MTARC2: variants seen among roughly 807,000 people sequenced by gnomAD.
MTARC2 encodes the protein MOCO sulphurase C-terminal domain containing 2.
A neutral mutation model predicts 35.6 loss-of-function variants in MTARC2; 27 were observed. The observed-to-expected ratio is 0.76, with a 90% CI of 0.56 to 1.04. The LOEUF (loss-of-function observed/expected upper bound fraction) is 1.04, where lower values mean the gene tolerates loss of function less well. Ranked by LOEUF, MTARC2 falls within the 50% of genes least tolerant of loss-of-function variation. The pLI is 0.00. For synonymous variants in MTARC2, 158 were observed against 167.1 expected (o/e 0.95, Z 0.42); for missense variants, 412 against 432.5 (o/e 0.95, Z 0.42).
Position 220,784,418 on chromosome 1 carries a change from C to T in MTARC2, c.*531C>T, listed in dbSNP as rs1672160174. On this transcript the variant is annotated 3_prime_UTR_variant, in exon 8 of 8. Transcript: ENST00000366913. ...GCCATTGAGTCCTGTTGACTTTCCA[C>T]TCATGTGCTTTTTACTCTAGCATTA... 1 of 161,012 alleles carries T rather than the reference C, an allele frequency of 6.2e-6. No homozygotes were observed. Among genetic ancestry groups the T allele is most frequent in the Non-Finnish European group, 1.4e-5 (1 of 73,840 alleles). The allele number at this position is 161,012 out of a possible 1,614,324, so 10.0% of individuals were successfully genotyped here.
chr1:220,761,570 C>A, intron 2 of MTARC2, 88 bp from the exon 3 acceptor site: 2 of 1,341,024 alleles, frequency 1.5e-6, no homozygotes, highest in South Asian at 1.5e-5. Flanking sequence ...ATGGTCAGGT[C>A]CCAACAGTCC....
At chr1:220,753,607 T>C (rs1671193162) in intron 1 of MTARC2, among the ~76,000 whole-genome samples, 1 of 152,174 alleles carries the variant, frequency 6.6e-6, no homozygotes, top group African/African-American at 2.4e-5. Flanking sequence ...TTGGAATGTC[T>C]CCCTGGGAGG....
Position 220,749,434 on chromosome 1 carries a change from T to C in MTARC2, c.272+631T>C, listed in dbSNP as rs1417759818. On this transcript the variant is annotated intron_variant, in intron 1 of 7. Coordinates refer to ENST00000366913, the MANE Select transcript of MTARC2 (RefSeq NM_017898.5). ...GGATTAAGATGCCTTCTTCTTTTTT[T>C]TTTTTTTTTTTTTTGAGACAGAATC... 1.5e-3 allele frequency among the ~76,000 whole-genome samples: 226 copies of C among 149,254 alleles called. 1 individual carries two copies. The highest frequency in any genetic ancestry group is 3.8e-3 in the African/African-American group (153 of 40,678).
rs540033454 is a variant in MTARC2 at position 220,748,907 on chromosome 1, C to T, written c.272+104C>T. The T allele has an allele frequency of 1.8e-4, 242 of 1,333,408 alleles. 1 individual carries two copies. In the African/African-American group the frequency reaches 3.5e-3, roughly 19 times the overall value. 82.6% of individuals were successfully genotyped at this position (1,333,408 alleles called of 1,614,324 possible). ...TCTGGGAAGGACTATAGAGGTTTGCCACCTGAGTTTCTGGGCTGACTGTTG... is the reference window on the plus strand; with the variant it reads ...TCTGGGAAGGACTATAGAGGTTTGCTACCTGAGTTTCTGGGCTGACTGTTG... On this transcript the variant is annotated intron_variant, in intron 1 of 7. Coordinates refer to ENST00000366913, the MANE Select transcript of MTARC2 (RefSeq NM_017898.5).
intron 4 of MTARC2, among the ~76,000 whole-genome samples, chr1:220,774,224 A>G (rs554237519): frequency 7.2e-5 from 11 of 152,000 alleles, no homozygotes; most frequent in Admixed American, 3.3e-4. Context: ...ACACCACCAC[A>G]CCTGGCTAAT....
intron 3 of MTARC2, 144 bp from the exon 4 acceptor site, chr1:220,762,766 C>G: frequency 1.1e-6 from 1 of 883,148 alleles, no homozygotes; most frequent in Non-Finnish European, 1.7e-6. Context: ...ACTGCAAGCC[C>G]AAACTCACAT....
At position 220,761,759 on chromosome 1, in the gene MTARC2, A is replaced by G. The variant is rs1355543050; in HGVS notation, c.548A>G (p.Glu183Gly). 1 of 1,613,918 alleles carries G rather than the reference A, an allele frequency of 6.2e-7. No homozygotes were observed. The highest frequency in any genetic ancestry group is 1.3e-5 in the African/African-American group (1 of 75,058). ...GAAGCGTATAGATTGGTTCAATTTG[A>G]GACAAACATGAAGGGAAGAACATCA... ...KTEAYRLVQF[E>G]TNMKGRTSRK... Residue 183 changes from glutamate (E) to glycine (G), a missense_variant, in exon 3 of 8, where the codon GAG becomes GGG. Glu to Gly is a moderately conservative substitution (Grantham distance 98). Coordinates refer to ENST00000366913, the MANE Select transcript of MTARC2 (RefSeq NM_017898.5).
intron 1 of MTARC2, among the ~76,000 whole-genome samples, chr1:220,749,471 C>T (rs1482407041): frequency 7.0e-6 from 1 of 143,158 alleles, no homozygotes; most frequent in Non-Finnish European, 1.5e-5. Context: ...CACTTCGTAG[C>T]TCAGGCTGGA....
At position 220,761,748 on chromosome 1, in the gene MTARC2, G is replaced by A; in HGVS notation, c.537G>A (p.Leu179=). The A allele has an allele frequency of 6.2e-7, 1 of 1,613,876 alleles. No homozygotes were observed. ...TCTTGAAAACTGAAGCGTATAGATTGGTTCAATTTGAGACAAACATGAAGG... is the reference window on the plus strand; with the variant it reads ...TCTTGAAAACTGAAGCGTATAGATTAGTTCAATTTGAGACAAACATGAAGG... The part of the protein sequence containing the change: ...TNFLKTEAYR[L]VQFETNMKGR... The change falls in exon 3 of 8, where the codon TTG becomes TTA. Residue 179 remains leucine, a synonymous_variant. Transcript: ENST00000366913.
chr1:220,775,700 T>C (rs534705776), intron 4 of MTARC2, among the ~76,000 whole-genome samples: 3,619 of 152,284 alleles, frequency 0.024, 109 homozygotes, highest in African/African-American at 0.064. Flanking sequence ...TCAAGTAGGC[T>C]CCCGTGTCTG....
Position 220,762,917 on chromosome 1 carries a change from A to G in MTARC2, c.617A>G (p.Tyr206Cys), listed in dbSNP as rs765769266. The G allele has an allele frequency of 1.9e-6, 3 of 1,614,154 alleles. No individual in the cohort carries two copies. Among genetic ancestry groups the G allele is most frequent in the African/African-American group, 2.7e-5 (2 of 75,044 alleles). The change falls in exon 4 of 8, where the codon TAC becomes TGC. Residue 206 changes from tyrosine (Y) to cysteine (C), a missense_variant. Tyr to Cys is a radical substitution (Grantham distance 194). Coordinates refer to ENST00000366913, the MANE Select transcript of MTARC2 (RefSeq NM_017898.5). ...TCCTGTGTTCTTGGCAAGGTGGCCT[A>G]CCCAGACTACTGCCCGCTCCTGATC... ...PTLDQNFQVA[Y>C]PDYCPLLIMT...
At chr1:220,774,160 G>A (rs1415842800) in intron 4 of MTARC2, among the ~76,000 whole-genome samples, 2 of 151,492 alleles carry the variant, frequency 1.3e-5, no homozygotes, top group African/African-American at 2.4e-5. Context: ...CTGCCTCCCG[G>A]GCTGAAGCCA....
rs1179674921 is a variant in MTARC2, at chr1:220,760,450, T to A, written c.447-1208T>A. Among the ~76,000 whole-genome samples the A allele has an allele frequency of 3.3e-5, 5 of 152,370 alleles. No homozygotes were observed. In the East Asian group the frequency reaches 7.7e-4, roughly 23 times the overall value. ...AATTACTATAACTCCCATTTCTATC[T>A]ATTTGTTTGTGTGAAAAATTCCTCA... On this transcript the variant is annotated intron_variant, in intron 2 of 7. Transcript: ENST00000366913.
At chr1:220,771,019 C>A (rs1671729880) in intron 4 of MTARC2, among the ~76,000 whole-genome samples, 3 of 152,140 alleles carry the variant, frequency 2.0e-5, no homozygotes, top group Admixed American at 2.0e-4. Flanking sequence ...CTTAGGCAGT[C>A]CAGGCTCCGT....
chr1:220,766,668 C>G (rs1486520381), intron 4 of MTARC2, among the ~76,000 whole-genome samples: 1 of 152,002 alleles, frequency 6.6e-6, no homozygotes, highest in Non-Finnish European at 1.5e-5. Flanking sequence ...AGAAAAAAGA[C>G]ACTCTTGTCC....
intron 4 of MTARC2, among the ~76,000 whole-genome samples, chr1:220,777,879 C>G (rs762499961): frequency 8.5e-5 from 13 of 152,170 alleles, no homozygotes; most frequent in Non-Finnish European, 1.5e-4. Flanking sequence ...TGTAATCTGT[C>G]TGGATATATG....
intron 4 of MTARC2, among the ~76,000 whole-genome samples, chr1:220,770,805 G>A (rs774993597): frequency 1.3e-5 from 2 of 152,224 alleles, no homozygotes; most frequent in Non-Finnish European, 2.9e-5. Context: ...TAAAATTCTC[G>A]TGGCCGTAAC....
At chr1:220,770,998 T>C (rs1671728646) in intron 4 of MTARC2, among the ~76,000 whole-genome samples, 1 of 152,154 alleles carries the variant, frequency 6.6e-6, no homozygotes, top group East Asian at 1.9e-4. Context: ...GAAGCCAGCT[T>C]CTAAAAAAGC....
intron 4 of MTARC2, among the ~76,000 whole-genome samples, chr1:220,772,988 T>G (rs116178001): frequency 6.6e-6 from 1 of 152,046 alleles, no homozygotes; most frequent in Non-Finnish European, 1.5e-5. Flanking sequence ...AGTGACGGGG[T>G]AAGAGGAGTT....
Sources: gnomAD v4.1 joint callset for allele counts (sites outside exome capture counted in the v4.1 genomes callset) on GRCh38, gnomAD v4.1.1 for gene constraint, MANE v1.5 for transcripts, NCBI Gene and HGNC (gene_info 2026-07-23, HGNC 2026-07-21) for gene names.